The following VTI1A variants were observed in gnomAD, a reference collection of about 807,000 sequenced individuals.
VTI1A encodes the protein vesicle transport through interaction with t-SNAREs 1A.
In VTI1A, 22 loss-of-function variants were observed where a neutral mutation model predicts 34.9. That is an observed-to-expected ratio of 0.63 (90% CI 0.45 to 0.90). VTI1A has a LOEUF of 0.90. Among genes scored for constraint, VTI1A ranks in the 40% least tolerant of loss-of-function variants. The pLI is 0.00. For missense variants in VTI1A, 268 were observed against 275.6 expected (o/e 0.97, Z 0.20); for synonymous variants, 87 against 97.3 (o/e 0.89, Z 0.62).
chr10:112,625,376 C>T (rs1379286523), intron 5 of VTI1A, among the ~76,000 whole-genome samples: 2 of 152,106 alleles, frequency 1.3e-5, no homozygotes, highest in Non-Finnish European at 2.9e-5. Flanking sequence ...GGCGGCTTCA[C>T]GCCTGTAATC....
rs1258670590 is a variant in VTI1A, at chr10:112,480,097, T to C, written c.264+15440T>C. Among the ~76,000 whole-genome samples the C allele has an allele frequency of 2.6e-5, 4 of 152,214 alleles. No individual in the cohort carries two copies. The South Asian group carries it at 6.2e-4, about 24-fold the overall frequency. Reference sequence around the variant, plus strand: ...AAAAGTTCCAAGTATTGTTACATACTGAGAACTTGGCCTAGAGTATACACA... The same window carrying C: ...AAAAGTTCCAAGTATTGTTACATACCGAGAACTTGGCCTAGAGTATACACA... On this transcript the variant is annotated intron_variant, in intron 3 of 7. Transcript: ENST00000393077.
chr10:112,638,200 G>T (rs1003689725), intron 5 of VTI1A, among the ~76,000 whole-genome samples: 2 of 152,148 alleles, frequency 1.3e-5, no homozygotes, highest in Non-Finnish European at 2.9e-5. Flanking sequence ...CTGAACAGCT[G>T]GGCTGATTAT....
At chr10:112,809,258 G>C (rs1448302916) in intron 7 of VTI1A, among the ~76,000 whole-genome samples, 1 of 152,228 alleles carries the variant, frequency 6.6e-6, no homozygotes, top group Non-Finnish European at 1.5e-5. Flanking sequence ...GTTTGAGGCA[G>C]ATGACAATTA....
intron 7 of VTI1A, among the ~76,000 whole-genome samples, chr10:112,764,470 A>C (rs1851582130): frequency 6.6e-6 from 1 of 152,200 alleles, no homozygotes; most frequent in Non-Finnish European, 1.5e-5. Context: ...GTGGTGTTTA[A>C]AAATGTTATT....
Position 112,495,117 on chromosome 10 carries a change from T to C in VTI1A, c.264+30460T>C, listed in dbSNP as rs143274989. ...CCTGAATGTTTTACCACAGTATTTT[T>C]ACTTTAGAAAAATTAGGTCAATAAT... On this transcript the variant is annotated intron_variant, in intron 3 of 7. Coordinates refer to ENST00000393077, the MANE Select transcript of VTI1A (RefSeq NM_145206.4). Among the ~76,000 whole-genome samples the C allele has an allele frequency of 5.3e-3, 805 of 152,132 alleles. 23 individuals are homozygous for C. Among genetic ancestry groups the C allele is most frequent in the Admixed American group, 0.047 (711 of 15,278 alleles).
upstream of VTI1A, chr10:112,447,203 C>G (rs1021000394): frequency 9.8e-6 from 6 of 613,508 alleles, no homozygotes; most frequent in African/African-American, 1.8e-5. Flanking sequence ...TCCGGAGAAC[C>G]GAGATTGCGA....
At chr10:112,626,411 T>TAC (rs1845923895) in intron 5 of VTI1A, among the ~76,000 whole-genome samples, 1 of 54,594 alleles carries the variant, frequency 1.8e-5, no homozygotes, top group Non-Finnish European at 3.4e-5. Flanking sequence ...GAATTTGAGA[T>TAC]ATATAATCAA....
At chr10:112,529,440 A>G (rs534359013) in intron 4 of VTI1A, among the ~76,000 whole-genome samples, 2 of 152,274 alleles carry the variant, frequency 1.3e-5, no homozygotes, top group Admixed American at 6.5e-5. Flanking sequence ...CATTCAGAAT[A>G]TGGAGTCAAA....
chr10:112,564,696 A>C (rs896082323), intron 5 of VTI1A, among the ~76,000 whole-genome samples: 1 of 152,124 alleles, frequency 6.6e-6, no homozygotes, highest in African/African-American at 2.4e-5. Context: ...TGAGGAGAGA[A>C]AAGTTGAGAG....
chr10:112,793,136 C>T (rs932548038), intron 7 of VTI1A, among the ~76,000 whole-genome samples: 5 of 152,162 alleles, frequency 3.3e-5, no homozygotes, highest in African/African-American at 9.7e-5. Flanking sequence ...TAAAGTGCTG[C>T]GGACAGACCA....
chr10:112,567,535 CTAACATGTTTTTTTCT>C (rs1285940558), intron 5 of VTI1A, among the ~76,000 whole-genome samples: 3 of 152,092 alleles, frequency 2.0e-5, no homozygotes, highest in Admixed American at 1.3e-4. Context: ...TAACATTAGG[CTAACATGTTTTTTTCT>C]TAGTATATTT....
At chr10:112,845,834 A>G in the VTI1A span, among the ~76,000 whole-genome samples, 1 of 152,172 alleles carries the variant, frequency 6.6e-6, no homozygotes, top group Admixed American at 6.5e-5. Context: ...CCTGGCCAAC[A>G]TGGTGAAACC....
chr10:112,829,615 A>G, the VTI1A span, among the ~76,000 whole-genome samples: 1,054 of 141,174 alleles, frequency 7.5e-3, 3 homozygotes, highest in Non-Finnish European at 0.012. Context: ...TTAGCGGGGC[A>G]TGGTGGCAGG....
chr10:112,818,694 C>A lies in VTI1A; in HGVS notation c.*3311C>A. ...TTTTTATTTTCTTTCATTATTAGTCCCCACCATTACGTTCATTAACAAATT... is the reference window on the plus strand; with the variant it reads ...TTTTTATTTTCTTTCATTATTAGTCACCACCATTACGTTCATTAACAAATT... On this transcript the variant is annotated 3_prime_UTR_variant, in exon 8 of 8. Coordinates refer to ENST00000393077, the MANE Select transcript of VTI1A (RefSeq NM_145206.4). The A allele has an allele frequency of 9.7e-6, 2 of 205,264 alleles. No homozygotes were observed. Among genetic ancestry groups the A allele is most frequent in the Non-Finnish European group, 2.0e-5 (2 of 100,064 alleles). The allele number at this position is 205,264 out of a possible 1,614,324, so 12.7% of individuals were successfully genotyped here. A position where few individuals can be genotyped will look rare whatever the true frequency, so the allele number is the denominator to read the frequency against.
At chr10:112,834,925 G>A in the VTI1A span, among the ~76,000 whole-genome samples, 29 of 152,276 alleles carry the variant, frequency 1.9e-4, no homozygotes, top group Non-Finnish European at 3.4e-4. Context: ...AACTGGAGTG[G>A]CCCTCCCTGC....
intron 5 of VTI1A, among the ~76,000 whole-genome samples, chr10:112,594,661 G>A (rs1341011066): frequency 6.6e-6 from 1 of 151,950 alleles, no homozygotes; most frequent in East Asian, 1.9e-4. Flanking sequence ...AAATAAAAGA[G>A]GATACAAAGA....
At chr10:112,490,016 G>A (rs1848766611) in intron 3 of VTI1A, among the ~76,000 whole-genome samples, 1 of 152,048 alleles carries the variant, frequency 6.6e-6, no homozygotes, top group South Asian at 2.1e-4. Flanking sequence ...TCATTACCTT[G>A]TTCTTTTTAA....
intron 3 of VTI1A, among the ~76,000 whole-genome samples, chr10:112,517,704 T>A (rs532641238): frequency 6.6e-6 from 1 of 152,224 alleles, no homozygotes; most frequent in Non-Finnish European, 1.5e-5. Flanking sequence ...GGAAAATATA[T>A]GACTCCAATC....
chr10:112,538,165 G>A lies in VTI1A; in HGVS notation c.343-81G>A, dbSNP rs564005417. On this transcript the variant is annotated intron_variant, in intron 4 of 7. Coordinates refer to ENST00000393077, the MANE Select transcript of VTI1A (RefSeq NM_145206.4). ...CCCCCCACCCCATGTTAGGGCATAC[G>A]AAGGCATTTTTTTTTTAAGGCAAAA... 2.1e-5 allele frequency: 28 copies of A among 1,306,322 alleles called. 1 individual carries two copies. In the South Asian group the frequency reaches 2.6e-4, roughly 12 times the overall value. The allele number at this position is 1,306,322 out of a possible 1,614,324, so 80.9% of individuals were successfully genotyped here. A position where few individuals can be genotyped will look rare whatever the true frequency, so the allele number is the denominator to read the frequency against.
Sources: gnomAD v4.1 joint callset for allele counts (sites outside exome capture counted in the v4.1 genomes callset) on GRCh38, gnomAD v4.1.1 for gene constraint, MANE v1.5 for transcripts, NCBI Gene and HGNC (gene_info 2026-07-23, HGNC 2026-07-21) for gene names.